FBRSL1: variants seen among roughly 807,000 people sequenced by gnomAD.
FBRSL1 encodes the protein fibrosin like 1.
In FBRSL1, 51 loss-of-function variants were observed where a neutral mutation model predicts 89.6. The observed-to-expected ratio is 0.57, with a 90% CI of 0.45 to 0.72. The LOEUF (loss-of-function observed/expected upper bound fraction) is 0.72, where lower values mean the gene tolerates loss of function less well. Ranked by LOEUF, FBRSL1 falls within the 30% of genes least tolerant of loss-of-function variation. The pLI is 0.00. For missense variants in FBRSL1, 1,618 were observed against 1,451.8 expected (o/e 1.11, Z -1.86); for synonymous variants, 779 against 681.1 (o/e 1.14, Z -2.24).
chr12:132,513,379 TG>T (rs2034544596), intron 2 of FBRSL1, among the ~76,000 whole-genome samples: 2 of 148,896 alleles, frequency 1.3e-5, no homozygotes, highest in African/African-American at 5.0e-5. Context: ...GTAGAGGGGG[TG>T]GGGGCAGCCC....
chr12:132,545,264 C>G (rs2037594128), intron 4 of FBRSL1, among the ~76,000 whole-genome samples: 1 of 152,350 alleles, frequency 6.6e-6, no homozygotes, highest in East Asian at 1.9e-4. Context: ...CCCTGAGCCC[C>G]CGAGCCCAGC....
At chr12:132,549,348 G>A (rs756724123) in intron 5 of FBRSL1, among the ~76,000 whole-genome samples, 4 of 152,194 alleles carry the variant, frequency 2.6e-5, no homozygotes, top group Admixed American at 6.5e-5. Context: ...GCCCATAGGA[G>A]TGGCCTCACC....
chr12:132,527,826 G>C, intron 3 of FBRSL1, 127 bp from the exon 4 acceptor site: 1 of 870,934 alleles, frequency 1.1e-6, no homozygotes, highest in South Asian at 1.4e-5. Flanking sequence ...CTGCGGGGCA[G>C]GGCTGTGAGC....
At chr12:132,509,304 C>A in intron 2 of FBRSL1, 1 of 1,249,860 alleles carries the variant, frequency 8.0e-7, no homozygotes, top group South Asian at 4.0e-5. Context: ...ACTCCCGGAC[C>A]CTGGGCAGCC....
At chr12:132,541,307 A>G (rs1009361120) in intron 4 of FBRSL1, among the ~76,000 whole-genome samples, 14 of 152,176 alleles carry the variant, frequency 9.2e-5, no homozygotes, top group Admixed American at 2.6e-4. Flanking sequence ...CATCCATTCT[A>G]TGCCAGTACC....
chr12:132,535,950 GGT>G (rs888136783), intron 4 of FBRSL1, among the ~76,000 whole-genome samples: 2 of 150,938 alleles, frequency 1.3e-5, no homozygotes, highest in Admixed American at 6.6e-5. Flanking sequence ...TGTCCATGAT[GGT>G]GTGTGAGCAC....
At chr12:132,554,554 C>T (rs2038454588) in intron 5 of FBRSL1, 2 of 152,258 alleles carry the variant, frequency 1.3e-5, no homozygotes, top group South Asian at 4.1e-4. Context: ...TGACTCATGC[C>T]TGTAATCCCA....
At chr12:132,521,705 A>G (rs2035372816) in intron 2 of FBRSL1, among the ~76,000 whole-genome samples, 1 of 152,168 alleles carries the variant, frequency 6.6e-6, no homozygotes, top group Non-Finnish European at 1.5e-5. Flanking sequence ...AGGGCTGCAG[A>G]GTATGGCTGT....
intron 6 of FBRSL1, among the ~76,000 whole-genome samples, chr12:132,568,051 G>T (rs796389731): frequency 1.3e-5 from 2 of 148,204 alleles, no homozygotes; most frequent in Admixed American, 1.3e-4. Flanking sequence ...GGGTAGCCCC[G>T]GCGTCTTAGG....
Position 132,583,438 on chromosome 12 carries a change from C to T in FBRSL1, c.2669C>T (p.Pro890Leu), listed in dbSNP as rs767997547. 5.5e-3 allele frequency: 5,906 copies of T among 1,071,594 alleles called. 27 individuals are homozygous for T. The highest frequency in any genetic ancestry group is 6.1e-3 in the Non-Finnish European group (5,360 of 883,594). The allele number at this position is 1,071,594 out of a possible 1,614,324, so 66.4% of individuals were successfully genotyped here. A position where few individuals can be genotyped will look rare whatever the true frequency, so the allele number is the denominator to read the frequency against. The change falls in exon 19 of 19, where the codon CCC becomes CTC. Residue 890 changes from proline (P) to leucine (L), a missense_variant. Coordinates refer to ENST00000680143, the MANE Select transcript of FBRSL1 (RefSeq NM_001367871.1). Reference sequence around the variant, plus strand: ...GAGCGCCCCTACCGCGACCGCGAGCCCCACGGCTACAGCCCCGAGCGCCTG... The same window carrying T: ...GAGCGCCCCTACCGCGACCGCGAGCTCCACGGCTACAGCCCCGAGCGCCTG... ...PPERPYRDRE[P>L]HGYSPERLRG... is the part of the protein sequence containing the mutation.
chr12:132,497,804 C>A (rs968770612), intron 1 of FBRSL1, among the ~76,000 whole-genome samples: 13 of 152,348 alleles, frequency 8.5e-5, no homozygotes, highest in Non-Finnish European at 1.5e-4. Context: ...CATGACAAAG[C>A]CATTTGTCCC....
In FBRSL1 at chr12:132,508,307, CCTG is replaced by C. The variant is rs772034990; in HGVS notation, c.448_450del (p.Cys150del). 3 of 1,548,166 alleles carry C rather than the reference CCTG, an allele frequency of 1.9e-6. No homozygotes were observed. The highest frequency in any genetic ancestry group is 2.6e-6 in the Non-Finnish European group (3 of 1,146,074). ...AGCCCCGGGCAGGACCTCGAACCCG[CCTG>C]CGATGGGGCGAGAAAGGTCCCACTG... On this transcript the variant is annotated inframe_deletion, in exon 2 of 19. Transcript: ENST00000680143.
At chr12:132,521,855 G>C (rs1325662259) in intron 2 of FBRSL1, among the ~76,000 whole-genome samples, 1 of 152,218 alleles carries the variant, frequency 6.6e-6, no homozygotes, top group Non-Finnish European at 1.5e-5. Flanking sequence ...GGGCTGGTGT[G>C]GGGCCTCTTG....
rs539741301 is a variant in FBRSL1 at position 132,534,425 on chromosome 12, C to T, written c.615+6437C>T. 1.4e-3 allele frequency among the ~76,000 whole-genome samples: 217 copies of T among 152,338 alleles called. 1 individual carries two copies. The highest frequency in any genetic ancestry group is 5.0e-3 in the African/African-American group (206 of 41,576). On this transcript the variant is annotated intron_variant, in intron 4 of 18. Coordinates refer to ENST00000680143, the MANE Select transcript of FBRSL1 (RefSeq NM_001367871.1). Reference sequence around the variant, plus strand: ...CGCCTCCATCTGCAGATGCGGAAGCCGAGGCCCAGGCATCAGCTGCACCTG... The same window carrying T: ...CGCCTCCATCTGCAGATGCGGAAGCTGAGGCCCAGGCATCAGCTGCACCTG...
chr12:132,536,274 G>T (rs1435890684), intron 4 of FBRSL1, among the ~76,000 whole-genome samples: 4 of 150,984 alleles, frequency 2.6e-5, no homozygotes, highest in Admixed American at 2.6e-4. Context: ...TGTACATGAT[G>T]GTGTGTGAGT....
Position 132,564,796 on chromosome 12 carries a change from AT to A in FBRSL1, c.646-2679del, listed in dbSNP as rs1332683686. Among the ~76,000 whole-genome samples the A allele has an allele frequency of 2.0e-3, 277 of 139,498 alleles. 55 individuals carry two copies. Among genetic ancestry groups the A allele is most frequent in the African/African-American group, 7.7e-3 (269 of 34,934 alleles). The allele number at this position is 139,498 out of a possible 152,430, so 91.5% of individuals were successfully genotyped here. On this transcript the variant is annotated intron_variant, in intron 5 of 18. Coordinates refer to ENST00000680143, the MANE Select transcript of FBRSL1 (RefSeq NM_001367871.1). ...AGGCGCCCGCCACCACGCCCGGCTAATTTTTTGTATTTTTAGTAGAGACGGG... is the reference window on the plus strand; with the variant it reads ...AGGCGCCCGCCACCACGCCCGGCTAATTTTTGTATTTTTAGTAGAGACGGG...
Position 132,574,347 on chromosome 12 carries a change from A to G in FBRSL1, c.1628A>G (p.Lys543Arg). Residue 543 changes from lysine to arginine, a missense_variant and splice_region_variant, in exon 13 of 19, where the codon AAG (lysine) becomes AGG (arginine). By Grantham distance (26) the Lys-to-Arg change is conservative. Coordinates refer to ENST00000680143, the MANE Select transcript of FBRSL1 (RefSeq NM_001367871.1). ...GVSDPYRAVV[K>R]KPGRWCAVHV... ...TCTGACCCGTACCGGGCGGTGGTCA[A>G]GGTGAGCACGTGTTGGGAAGGCCCG... is the stretch of plus-strand genomic sequence containing the variant. 6 of 1,549,608 alleles carry G rather than the reference A, an allele frequency of 3.9e-6. No individual in the cohort carries two copies. Among genetic ancestry groups the G allele is most frequent in the Non-Finnish European group, 5.2e-6 (6 of 1,146,476 alleles).
At chr12:132,511,834 T>TGCCCCCCCCCCCCCGC in intron 2 of FBRSL1, 22 of 898,754 alleles carry the variant, frequency 2.4e-5, no homozygotes, top group Non-Finnish European at 2.5e-5. Flanking sequence ...GCCCCCTCGC[T>TGCCCCCCCCCCCCCGC]CCCCACCCAC....
At chr12:132,551,074 C>T (rs528244137) in intron 5 of FBRSL1, 27 of 313,990 alleles carry the variant, frequency 8.6e-5, no homozygotes, top group South Asian at 1.4e-4. Context: ...CACTGCTGTG[C>T]GAGGCCGGCA....
Sources: allele counts gnomAD v4.1 joint callset (sites outside exome capture counted in the v4.1 genomes callset), GRCh38; gene constraint gnomAD v4.1.1; transcripts MANE v1.5; gene names NCBI Gene and HGNC (gene_info 2026-07-23, HGNC 2026-07-21).